The following TNR variants were observed in gnomAD, a reference collection of about 807,000 sequenced individuals.
The protein encoded by TNR is tenascin R.
Under a neutral mutation model 150.4 loss-of-function variants are expected in TNR, and 45 were observed. The observed-to-expected ratio is 0.30, with a 90% CI of 0.24 to 0.38. TNR has a LOEUF of 0.38. Among genes scored for constraint, TNR ranks in the 10% least tolerant of loss-of-function variants. TNR has a pLI of 1.00. For synonymous variants in TNR, 687 were observed against 678.4 expected, an observed-to-expected ratio of 1.01 and a Z score of -0.20; for missense variants, 1,544 against 1,759.1, an observed-to-expected ratio of 0.88 and a Z score of 2.19.
intron 18 of TNR, among the ~76,000 whole-genome samples, chr1:175,339,353 ATCAAATATCCATACCCTC>A (rs1161713466): frequency 3.3e-5 from 5 of 152,254 alleles, no homozygotes; most frequent in Non-Finnish European, 7.3e-5. Context: ...CTATGTTCAA[ATCAAATATCCATACCCTC>A]TCAAACTGAT....
chr1:175,628,903 C>T (rs912342685), intron 1 of TNR, among the ~76,000 whole-genome samples: 1 of 152,202 alleles, frequency 6.6e-6, no homozygotes. Flanking sequence ...ATGAAGGACA[C>T]TTATCTCTGG....
At chr1:175,674,962 A>G (rs1000503332) in intron 1 of TNR, among the ~76,000 whole-genome samples, 2 of 152,180 alleles carry the variant, frequency 1.3e-5, no homozygotes, top group African/African-American at 4.8e-5. Context: ...GAGTGCAGAA[A>G]AAAAGAAGGA....
chr1:175,383,708 A>T (rs112128531), intron 8 of TNR, among the ~76,000 whole-genome samples: 23 of 152,196 alleles, frequency 1.5e-4, no homozygotes, highest in African/African-American at 2.4e-5. Context: ...GTTAATTTGA[A>T]TTTAAGCGGA....
intron 2 of TNR, among the ~76,000 whole-genome samples, chr1:175,409,188 G>A (rs757740500): frequency 1.3e-4 from 20 of 152,270 alleles, no homozygotes; most frequent in Admixed American, 1.2e-3. Context: ...ACACACAGAC[G>A]GGGTCTTGGC....
chr1:175,520,991 C>T (rs1659614465), intron 2 of TNR, among the ~76,000 whole-genome samples: 1 of 152,154 alleles, frequency 6.6e-6, no homozygotes, highest in African/African-American at 2.4e-5. Context: ...GAGGCAACAC[C>T]TTGACAAGAA....
At chr1:175,439,119 A>C (rs1655658093) in intron 2 of TNR, among the ~76,000 whole-genome samples, 2 of 152,244 alleles carry the variant, frequency 1.3e-5, no homozygotes, top group East Asian at 3.8e-4. Context: ...ATCTGACGTC[A>C]AACTATACTA....
At chr1:175,666,442 G>C (rs1348333085) in intron 1 of TNR, among the ~76,000 whole-genome samples, 1 of 152,190 alleles carries the variant, frequency 6.6e-6, no homozygotes, top group African/African-American at 2.4e-5. Context: ...CAGGCCCTGA[G>C]GGAGGCTGTC....
chr1:175,578,016 G>C (rs1267069404), intron 1 of TNR, among the ~76,000 whole-genome samples: 4 of 152,182 alleles, frequency 2.6e-5, no homozygotes, highest in African/African-American at 9.7e-5. Flanking sequence ...AAAAGTTGTT[G>C]AAAGCAGAAA....
At chr1:175,620,345 AT>A (rs909880855) in intron 1 of TNR, among the ~76,000 whole-genome samples, 2 of 152,216 alleles carry the variant, frequency 1.3e-5, no homozygotes, top group African/African-American at 2.4e-5. Context: ...GCCTGATAGA[AT>A]TGGAATAGGC....
intron 1 of TNR, among the ~76,000 whole-genome samples, chr1:175,594,603 G>A (rs989917569): frequency 6.6e-6 from 1 of 151,936 alleles, no homozygotes; most frequent in Non-Finnish European, 1.5e-5. Context: ...GCCTGTAATC[G>A]CAATACTTTG....
chr1:175,356,687 C>G (rs1222712567), intron 15 of TNR, among the ~76,000 whole-genome samples: 16 of 152,166 alleles, frequency 1.1e-4, no homozygotes, highest in Admixed American at 1.0e-3. Context: ...ATTGTCTTCT[C>G]TATAACTTCT....
intron 1 of TNR, among the ~76,000 whole-genome samples, chr1:175,650,782 A>G (rs796848433): frequency 0.062 from 430 of 6,890 alleles, 1 homozygote; most frequent in South Asian, 0.1. Context: ...CGACCTCATT[A>G]CTCCTCCTCC....
At chr1:175,331,310 C>T (rs1649917843) in intron 20 of TNR, among the ~76,000 whole-genome samples, 1 of 145,512 alleles carries the variant, frequency 6.9e-6, no homozygotes, top group Non-Finnish European at 1.5e-5. Context: ...GTTGCCCAGG[C>T]TGGAGTGGAG....
intron 1 of TNR, among the ~76,000 whole-genome samples, chr1:175,542,605 C>T (rs777663098): frequency 1.3e-5 from 2 of 152,224 alleles, no homozygotes; most frequent in Admixed American, 6.5e-5. Context: ...ATGGAATTAA[C>T]GTAATCACTC....
intron 1 of TNR, among the ~76,000 whole-genome samples, chr1:175,560,034 T>C (rs1661359805): frequency 6.6e-6 from 1 of 152,220 alleles, no homozygotes; most frequent in Non-Finnish European, 1.5e-5. Context: ...AGAAAATGTT[T>C]TATCAGTCTT....
chr1:175,699,503 G>A (rs1473550840), intron 1 of TNR, among the ~76,000 whole-genome samples: 1 of 152,176 alleles, frequency 6.6e-6, no homozygotes, highest in Non-Finnish European at 1.5e-5. Flanking sequence ...AGTGCAATGG[G>A]AGAGTGAATG....
intron 6 of TNR, among the ~76,000 whole-genome samples, chr1:175,392,751 G>A (rs2859040): frequency 0.82 from 125,268 of 152,144 alleles, 52,143 homozygotes; most frequent in African/African-American, 0.95. Context: ...TAGGTGGTGG[G>A]GACCCAGGTA....
intron 1 of TNR, among the ~76,000 whole-genome samples, chr1:175,671,441 G>A (rs1485504137): frequency 6.6e-6 from 1 of 152,184 alleles, no homozygotes; most frequent in Non-Finnish European, 1.5e-5. Context: ...CCCTTTCTGG[G>A]TTGGCAGAAG....
At chr1:175,366,398 C>G (rs1651843541) in intron 10 of TNR, among the ~76,000 whole-genome samples, 1 of 152,218 alleles carries the variant, frequency 6.6e-6, no homozygotes, top group Non-Finnish European at 1.5e-5. Context: ...TGGGACAAAG[C>G]TGGCTGCTGA....
Sources: allele counts gnomAD v4.1 joint callset (sites outside exome capture counted in the v4.1 genomes callset), GRCh38; gene constraint gnomAD v4.1.1; transcripts MANE v1.5; gene names NCBI Gene and HGNC (gene_info 2026-07-23, HGNC 2026-07-21).